UNC13C: variants seen among roughly 807,000 people sequenced by gnomAD.
UNC13C encodes the protein protein unc-13 homolog C.
In UNC13C, 174 loss-of-function variants were observed where a neutral mutation model predicts 245.4. The observed-to-expected ratio is 0.71, with a 90% CI of 0.63 to 0.80. The LOEUF (loss-of-function observed/expected upper bound fraction) is 0.80. UNC13C is among the 30% of genes least tolerant of loss of function. The pLI is 0.00. For missense variants in UNC13C, 2,829 were observed against 2,602.9 expected, an observed-to-expected ratio of 1.09 and a Z score of -1.89; for synonymous variants, 992 against 895.1, an observed-to-expected ratio of 1.11 and a Z score of -1.93.
chr15:54,332,992 T>C (rs1596236920), intron 15 of UNC13C, among the ~76,000 whole-genome samples: 1 of 152,002 alleles, frequency 6.6e-6, no homozygotes, highest in East Asian at 1.9e-4. Flanking sequence ...CATTAAGCCA[T>C]TGAGAGAGAT....
chr15:54,262,543 C>G (rs1424049601), intron 8 of UNC13C, among the ~76,000 whole-genome samples: 2 of 152,138 alleles, frequency 1.3e-5, no homozygotes, highest in African/African-American at 4.8e-5. Context: ...ACTGTGTAAA[C>G]CAATATTGAT....
chr15:54,320,855 C>T, intron 13 of UNC13C: 1 of 322,808 alleles, frequency 3.1e-6, no homozygotes, highest in Non-Finnish European at 6.1e-6. Flanking sequence ...AGTTTCTACC[C>T]TTCATTCATC....
chr15:54,205,074 G>C (rs1459068665), intron 4 of UNC13C, among the ~76,000 whole-genome samples: 1 of 151,980 alleles, frequency 6.6e-6, no homozygotes, highest in African/African-American at 2.4e-5. Flanking sequence ...CTGATAATCA[G>C]AGAACTGAAA....
At chr15:54,198,281 G>A (rs1366993051) in intron 4 of UNC13C, among the ~76,000 whole-genome samples, 1 of 152,004 alleles carries the variant, frequency 6.6e-6, no homozygotes, top group Non-Finnish European at 1.5e-5. Context: ...TCTTGGCCCT[G>A]CCCACCACCT....
chr15:54,102,730 T>C (rs890947879), intron 2 of UNC13C, among the ~76,000 whole-genome samples: 1 of 152,252 alleles, frequency 6.6e-6, no homozygotes, highest in Non-Finnish European at 1.5e-5. Flanking sequence ...GCTGTCTTTC[T>C]TCCTCTGCGT....
chr15:53,844,062 T>C, the UNC13C span, among the ~76,000 whole-genome samples: 149,398 of 152,252 alleles, frequency 0.98, 73,361 homozygotes, highest in Middle Eastern at 1. Flanking sequence ...GAACTGATAA[T>C]GGAAGGTCCC....
At chr15:54,613,538 C>T (rs563095106) in intron 30 of UNC13C, among the ~76,000 whole-genome samples, 4 of 151,726 alleles carry the variant, frequency 2.6e-5, no homozygotes, top group African/African-American at 4.8e-5. Context: ...CAAATATTAA[C>T]GAATAAATAT....
chr15:54,130,390 T>A lies in UNC13C; in HGVS notation c.2984-12628T>A, dbSNP rs1391407919. Among the ~76,000 whole-genome samples, 4 of 142,156 alleles carry A rather than the reference T, an allele frequency of 2.8e-5. No homozygotes were observed. In the Admixed American group the frequency reaches 3.2e-4, roughly 11 times the overall value. 93.3% of individuals were successfully genotyped at this position (142,156 alleles called of 152,430 possible). On this transcript the variant is annotated intron_variant, in intron 2 of 32. Transcript: ENST00000260323. ...TCACTGCAAGCTCCGCCTCCCGGGT[T>A]CACGCCATTCTCCTGCCTCAGCCTC...
intron 4 of UNC13C, among the ~76,000 whole-genome samples, chr15:54,177,507 C>G (rs1159318178): frequency 2.0e-5 from 3 of 152,108 alleles, no homozygotes; most frequent in South Asian, 4.1e-4. Flanking sequence ...TCAGTAGTCT[C>G]TCTTCACTAA....
At chr15:54,239,663 G>A (rs1208307793) in intron 7 of UNC13C, among the ~76,000 whole-genome samples, 3 of 152,102 alleles carry the variant, frequency 2.0e-5, no homozygotes, top group African/African-American at 7.2e-5. Context: ...TGTTGCCCAG[G>A]CTGGTCTCAA....
intron 4 of UNC13C, among the ~76,000 whole-genome samples, chr15:54,170,253 G>A (rs78599067): frequency 0.057 from 8,624 of 151,974 alleles, 295 homozygotes; most frequent in East Asian, 0.098. Flanking sequence ...AATATACAAC[G>A]TGTTAATAAA....
the UNC13C span, among the ~76,000 whole-genome samples, chr15:53,856,278 A>G: frequency 9.3e-5 from 14 of 151,082 alleles, no homozygotes; most frequent in East Asian, 2.1e-3. Context: ...TTGTATCTCT[A>G]TCTCCTTCAG....
intron 17 of UNC13C, among the ~76,000 whole-genome samples, chr15:54,369,635 A>G (rs966788793): frequency 6.6e-6 from 1 of 152,172 alleles, no homozygotes; most frequent in African/African-American, 2.4e-5. Context: ...CAGATGAGTT[A>G]TCTAGTTTGA....
At chr15:54,241,192 G>T (rs1332736888) in intron 7 of UNC13C, among the ~76,000 whole-genome samples, 3 of 152,116 alleles carry the variant, frequency 2.0e-5, no homozygotes, top group Non-Finnish European at 4.4e-5. Flanking sequence ...GAGCCCTGTT[G>T]GTTCTGTCTG....
chr15:53,907,874 T>C, the UNC13C span, among the ~76,000 whole-genome samples: 2 of 146,460 alleles, frequency 1.4e-5, no homozygotes, highest in African/African-American at 4.9e-5. Context: ...AAAAGCAAAA[T>C]AATAAACAGA....
intron 2 of UNC13C, among the ~76,000 whole-genome samples, chr15:54,120,371 A>C (rs1354402386): frequency 6.6e-6 from 1 of 152,144 alleles, no homozygotes. Context: ...GGATGATAGC[A>C]CATTTATTTG....
chr15:54,316,498 C>T (rs2038012897), intron 13 of UNC13C, among the ~76,000 whole-genome samples: 1 of 151,916 alleles, frequency 6.6e-6, no homozygotes, highest in Non-Finnish European at 1.5e-5. Context: ...CTGTGATATA[C>T]ACATTCTAAC....
intron 19 of UNC13C, among the ~76,000 whole-genome samples, chr15:54,423,524 T>A (rs933089973): frequency 1.3e-5 from 2 of 151,904 alleles, no homozygotes; most frequent in Non-Finnish European, 2.9e-5. Context: ...AAAAATGTTA[T>A]ATTTATGCAT....
At chr15:54,453,015 G>A (rs972671578) in intron 19 of UNC13C, among the ~76,000 whole-genome samples, 1 of 152,152 alleles carries the variant, frequency 6.6e-6, no homozygotes, top group African/African-American at 2.4e-5. Flanking sequence ...GATGCATTCT[G>A]GTGGTGGCTA....
Sources: gnomAD v4.1 joint callset for allele counts (sites outside exome capture counted in the v4.1 genomes callset) on GRCh38, gnomAD v4.1.1 for gene constraint, MANE v1.5 for transcripts, NCBI Gene and HGNC (gene_info 2026-07-23, HGNC 2026-07-21) for gene names.